NFIB: variants seen among roughly 807,000 people sequenced by gnomAD.
NFIB encodes nuclear factor I B.
A neutral mutation model predicts 61.5 loss-of-function variants in NFIB; 11 were observed. That is an observed-to-expected ratio of 0.18 (90% CI 0.11 to 0.30). The LOEUF is 0.30. NFIB is among the 10% of genes least tolerant of loss of function. NFIB has a pLI of 1.00. For missense variants in NFIB, 471 were observed against 608.9 expected, an observed-to-expected ratio of 0.77 and a Z score of 2.38; for synonymous variants, 260 against 216.5, an observed-to-expected ratio of 1.20 and a Z score of -1.76.
At chr9:14,133,676 C>G (rs894504409) in intron 6 of NFIB, among the ~76,000 whole-genome samples, 8 of 152,050 alleles carry the variant, frequency 5.3e-5, no homozygotes, top group African/African-American at 1.9e-4. Flanking sequence ...CTGGGATAAA[C>G]AGTGTTGAAG....
the NFIB span, among the ~76,000 whole-genome samples, chr9:14,410,618 A>G: frequency 1.3e-5 from 2 of 152,214 alleles, no homozygotes; most frequent in Admixed American, 1.3e-4. Context: ...AGTGATTCAG[A>G]GAAAACAAAG....
At chr9:14,453,981 G>A in the NFIB span, among the ~76,000 whole-genome samples, 1 of 152,098 alleles carries the variant, frequency 6.6e-6, no homozygotes, top group Non-Finnish European at 1.5e-5. Context: ...AGGAGGCTGA[G>A]GCAGGAGAAT....
chr9:14,156,403 T>C (rs757889274), intron 3 of NFIB, among the ~76,000 whole-genome samples: 4 of 152,188 alleles, frequency 2.6e-5, no homozygotes, highest in Non-Finnish European at 5.9e-5. Flanking sequence ...ACTAATAACA[T>C]AAAAAGCAGA....
At chr9:14,420,171 G>A in the NFIB span, among the ~76,000 whole-genome samples, 1 of 152,060 alleles carries the variant, frequency 6.6e-6, no homozygotes, top group African/African-American at 2.4e-5. Flanking sequence ...AAAGAGCCGG[G>A]CGTGCTGGCA....
At chr9:14,219,528 G>A (rs1016392088) in intron 2 of NFIB, among the ~76,000 whole-genome samples, 19 of 151,778 alleles carry the variant, frequency 1.3e-4, no homozygotes, top group African/African-American at 4.6e-4. Flanking sequence ...AATTACAACC[G>A]CATTACATTT....
rs538798142 is a variant in NFIB at position 14,126,141 on chromosome 9, C to T, written c.926-375G>A. 3.8e-4 allele frequency among the ~76,000 whole-genome samples: 58 copies of T among 152,312 alleles called. 1 individual carries two copies. Among genetic ancestry groups the T allele is most frequent in the African/African-American group, 1.3e-3 (54 of 41,568 alleles). ...AAGATTGTCTTTCGACAGAGGATAA[C>T]TGCTGCAAATGGGAAAAACAACCTT... is the stretch of plus-strand genomic sequence containing the variant. On this transcript the variant is annotated intron_variant, in intron 6 of 10. Transcript: ENST00000380953.
At chr9:14,462,711 G>A in the NFIB span, among the ~76,000 whole-genome samples, 1 of 152,114 alleles carries the variant, frequency 6.6e-6, no homozygotes, top group African/African-American at 2.4e-5. Flanking sequence ...ATCAATTGGG[G>A]GAATTTTTCA....
intron 2 of NFIB, among the ~76,000 whole-genome samples, chr9:14,235,698 A>G (rs1430050126): frequency 6.6e-6 from 1 of 152,230 alleles, no homozygotes; most frequent in Non-Finnish European, 1.5e-5. Context: ...TAGGTGCTAA[A>G]TCACCTTCAA....
At chr9:14,498,934 G>A in the NFIB span, among the ~76,000 whole-genome samples, 9 of 151,962 alleles carry the variant, frequency 5.9e-5, no homozygotes, top group African/African-American at 2.4e-5. Context: ...TCAAGATGGG[G>A]TTCCTGCCTT....
chr9:14,101,866 T>C (rs1440049855), intron 10 of NFIB, among the ~76,000 whole-genome samples: 2 of 152,176 alleles, frequency 1.3e-5, no homozygotes, highest in Non-Finnish European at 2.9e-5. Context: ...CTTTAACAAA[T>C]TCCTTCTTTA....
At chr9:14,193,241 C>CTAGT (rs1453990828) in intron 2 of NFIB, among the ~76,000 whole-genome samples, 1 of 151,694 alleles carries the variant, frequency 6.6e-6, no homozygotes, top group East Asian at 1.9e-4. Context: ...TTATCATCTC[C>CTAGT]TAGTCTCTCT....
intron 1 of NFIB, among the ~76,000 whole-genome samples, chr9:14,366,623 T>C (rs2061303141): frequency 6.6e-6 from 1 of 151,942 alleles, no homozygotes; most frequent in Admixed American, 6.6e-5. Flanking sequence ...GTAGTTGGGA[T>C]AACAGGCACG....
chr9:14,479,584 G>C, the NFIB span, among the ~76,000 whole-genome samples: 936 of 152,252 alleles, frequency 6.1e-3, 5 homozygotes, highest in Non-Finnish European at 9.2e-3. Flanking sequence ...GTACTATTTG[G>C]GGAATGGAAA....
intron 1 of NFIB, among the ~76,000 whole-genome samples, chr9:14,390,506 A>C (rs2061607152): frequency 6.8e-6 from 1 of 146,846 alleles, no homozygotes; most frequent in Non-Finnish European, 1.5e-5. Flanking sequence ...AAGAGCTCTC[A>C]ACAGACAAAG....
chr9:14,479,080 T>C, the NFIB span, among the ~76,000 whole-genome samples: 1 of 152,092 alleles, frequency 6.6e-6, no homozygotes, highest in Admixed American at 6.5e-5. Flanking sequence ...CCACTGCAAA[T>C]CTACATGACA....
chr9:14,502,647 T>C, the NFIB span, among the ~76,000 whole-genome samples: 2 of 152,226 alleles, frequency 1.3e-5, no homozygotes, highest in Non-Finnish European at 2.9e-5. Context: ...CACATCTTCA[T>C]AAATACAGGC....
chr9:14,203,074 G>A (rs575633644), intron 2 of NFIB, among the ~76,000 whole-genome samples: 70 of 152,292 alleles, frequency 4.6e-4, no homozygotes, highest in Admixed American at 6.5e-4. Context: ...TCATCAACAC[G>A]AGTGTCTTTT....
chr9:14,497,362 A>C, the NFIB span, among the ~76,000 whole-genome samples: 1 of 152,192 alleles, frequency 6.6e-6, no homozygotes, highest in Non-Finnish European at 1.5e-5. Context: ...TAATGTTCAA[A>C]TCATTTTGTC....
the NFIB span, among the ~76,000 whole-genome samples, chr9:14,515,896 C>T: frequency 2.0e-5 from 3 of 152,190 alleles, no homozygotes; most frequent in African/African-American, 4.8e-5. Flanking sequence ...AGCCTGAATC[C>T]CAAACAGTCA....
Sources: allele counts gnomAD v4.1 joint callset (sites outside exome capture counted in the v4.1 genomes callset), GRCh38; gene constraint gnomAD v4.1.1; transcripts MANE v1.5; gene names NCBI Gene and HGNC (gene_info 2026-07-23, HGNC 2026-07-21).